Variants in ANO10 observed in about 807,000 individuals in gnomAD.
The protein encoded by ANO10 is anoctamin 10.
In ANO10, 77 loss-of-function variants were observed where a neutral mutation model predicts 74.7. The ratio of observed to expected loss-of-function variants is 1.03; its 90% CI spans 0.86 to 1.25. The LOEUF (loss-of-function observed/expected upper bound fraction) is 1.25, where lower values mean the gene tolerates loss of function less well. ANO10 is among the 50% of genes most tolerant of loss of function. The pLI is 0.00. For synonymous variants in ANO10, 279 were observed against 284.9 expected, an observed-to-expected ratio of 0.98 and a Z score of 0.21; for missense variants, 721 against 778.1, an observed-to-expected ratio of 0.93 and a Z score of 0.87.
chr3:43,424,578 G>A (rs1032717602), intron 12 of ANO10: 1 of 152,104 alleles, frequency 6.6e-6, no homozygotes, highest in East Asian at 1.9e-4. Context: ...CCAGTCCTGT[G>A]GCCCTCACCC....
intron 2 of ANO10, among the ~76,000 whole-genome samples, chr3:43,603,267 T>C (rs2082416524): frequency 6.6e-6 from 1 of 152,224 alleles, no homozygotes; most frequent in Admixed American, 6.5e-5. Context: ...GAACTCTTTC[T>C]TCACTCTGCC....
intron 8 of ANO10, among the ~76,000 whole-genome samples, chr3:43,563,418 GTTTT>G (rs35992992): frequency 8.9e-5 from 10 of 112,236 alleles, no homozygotes; most frequent in African/African-American, 2.9e-4. Flanking sequence ...ATGGCGAGAG[GTTTT>G]TTTTTTTTTT....
At chr3:43,466,403 G>C (rs1265711462) in intron 11 of ANO10, among the ~76,000 whole-genome samples, 1 of 66,622 alleles carries the variant, frequency 1.5e-5, no homozygotes, top group Non-Finnish European at 3.8e-5. Flanking sequence ...AAAAAAACCA[G>C]TAATCAACAC....
chr3:43,444,939 C>T (rs548088012), intron 11 of ANO10, among the ~76,000 whole-genome samples: 12 of 151,912 alleles, frequency 7.9e-5, no homozygotes, highest in East Asian at 7.7e-4. Context: ...CTGGCTAACA[C>T]GGTGAAACCC....
At chr3:43,523,928 A>T (rs1197157861) in intron 11 of ANO10, among the ~76,000 whole-genome samples, 2 of 151,728 alleles carry the variant, frequency 1.3e-5, no homozygotes, top group African/African-American at 4.8e-5. Context: ...TAAGCCATGG[A>T]GTAGATGAGC....
chr3:43,489,071 C>G (rs561906916), intron 11 of ANO10, among the ~76,000 whole-genome samples: 1 of 149,988 alleles, frequency 6.7e-6, no homozygotes, highest in African/African-American at 2.5e-5. Context: ...ATCACAAGAA[C>G]AAAAAACCAA....
chr3:43,659,008 T>C (rs2083889600), intron 1 of ANO10, among the ~76,000 whole-genome samples: 1 of 152,186 alleles, frequency 6.6e-6, no homozygotes, highest in Non-Finnish European at 1.5e-5. Flanking sequence ...TGTATATGTA[T>C]TTTAATGGAA....
chr3:43,593,051 G>T (rs960393150), intron 4 of ANO10, among the ~76,000 whole-genome samples: 1 of 152,088 alleles, frequency 6.6e-6, no homozygotes, highest in Non-Finnish European at 1.5e-5. Flanking sequence ...AAGAAGAGAA[G>T]TTTAGAGAAA....
intron 11 of ANO10, among the ~76,000 whole-genome samples, chr3:43,537,461 A>G (rs116229479): frequency 1.3e-3 from 194 of 152,248 alleles, no homozygotes; most frequent in African/African-American, 4.5e-3. Flanking sequence ...GAAGCATTAC[A>G]AGCTTCCTAA....
chr3:43,469,217 T>C (rs1249688343), intron 11 of ANO10, among the ~76,000 whole-genome samples: 1 of 150,432 alleles, frequency 6.6e-6, no homozygotes, highest in Non-Finnish European at 1.5e-5. Context: ...TAATTTTTTT[T>C]TTGTATCTTT....
At chr3:43,609,997 T>C (rs1484126777) in intron 1 of ANO10, among the ~76,000 whole-genome samples, 3 of 152,170 alleles carry the variant, frequency 2.0e-5, no homozygotes, top group Admixed American at 6.5e-5. Flanking sequence ...ACTAAATATA[T>C]TTTAAAAAGT....
chr3:43,643,678 C>CTTTTTTT (rs1310556861), intron 1 of ANO10, among the ~76,000 whole-genome samples: 11 of 133,620 alleles, frequency 8.2e-5, no homozygotes, highest in African/African-American at 3.1e-4. Flanking sequence ...TTGTCCTCAT[C>CTTTTTTT]TTTTCTTTTT....
chr3:43,536,564 A>G (rs752424799), intron 11 of ANO10, among the ~76,000 whole-genome samples: 1 of 152,150 alleles, frequency 6.6e-6, no homozygotes, highest in Non-Finnish European at 1.5e-5. Context: ...CATCAGCAAA[A>G]CAATACTCAA....
chr3:43,654,998 A>G (rs372151915), intron 1 of ANO10, among the ~76,000 whole-genome samples: 6 of 152,224 alleles, frequency 3.9e-5, no homozygotes, highest in South Asian at 4.1e-4. Context: ...GAAGCAAAAT[A>G]TAGGTGTTAG....
At chr3:43,670,810 T>G (rs1407744854) in intron 1 of ANO10, among the ~76,000 whole-genome samples, 1 of 152,204 alleles carries the variant, frequency 6.6e-6, no homozygotes, top group Non-Finnish European at 1.5e-5. Flanking sequence ...ACAGCCACAC[T>G]GCTAACTCTT....
At chr3:43,377,750 C>T (rs1183233054) in intron 12 of ANO10, among the ~76,000 whole-genome samples, 4 of 152,204 alleles carry the variant, frequency 2.6e-5, no homozygotes, top group East Asian at 1.9e-4. Context: ...AAGAAACCCC[C>T]GCAGGCTCCT....
intron 12 of ANO10, among the ~76,000 whole-genome samples, chr3:43,425,930 T>C (rs1427017733): frequency 6.6e-6 from 1 of 152,138 alleles, no homozygotes; most frequent in Non-Finnish European, 1.5e-5. Flanking sequence ...AAGAAACATT[T>C]ACCATGTATC....
intron 4 of ANO10, among the ~76,000 whole-genome samples, chr3:43,584,737 T>C (rs1277712155): frequency 6.6e-6 from 1 of 152,160 alleles, no homozygotes; most frequent in African/African-American, 2.4e-5. Context: ...AAATCATGTT[T>C]ACGTGACAAA....
At chr3:43,475,504 T>C (rs1361008131) in intron 11 of ANO10, among the ~76,000 whole-genome samples, 1 of 152,220 alleles carries the variant, frequency 6.6e-6, no homozygotes. Context: ...CCCAAATGGC[T>C]TGCCATTTGT....
Sources: allele counts gnomAD v4.1 joint callset (sites outside exome capture counted in the v4.1 genomes callset), GRCh38; gene constraint gnomAD v4.1.1; transcripts MANE v1.5; gene names NCBI Gene and HGNC (gene_info 2026-07-23, HGNC 2026-07-21).